The following EGFR variants were observed in gnomAD, a reference collection of about 807,000 sequenced individuals.
EGFR encodes the protein avian erythroblastic leukemia viral (v-erb-b) oncogene homolog.
In EGFR, 58 loss-of-function variants were observed where a neutral mutation model predicts 143.0. The observed-to-expected ratio is 0.41, with a 90% CI of 0.33 to 0.50. The LOEUF is 0.50. EGFR is among the 20% of genes least tolerant of loss of function. The probability of loss-of-function intolerance (pLI) is 0.39; values close to 1 mark genes in which losing one functional copy is unlikely to be tolerated. For missense variants in EGFR, 1,307 were observed against 1,579.0 expected, an observed-to-expected ratio of 0.83 and a Z score of 2.92; for synonymous variants, 613 against 594.4, an observed-to-expected ratio of 1.03 and a Z score of -0.45.
chr7:55,073,366 C>A (rs1299428922), intron 1 of EGFR, among the ~76,000 whole-genome samples: 1 of 152,132 alleles, frequency 6.6e-6, no homozygotes, highest in Non-Finnish European at 1.5e-5. Flanking sequence ...TTTTTTGTGA[C>A]TATAGAATGA....
Position 55,174,685 on chromosome 7 carries a change from A to G in EGFR, c.2185-37A>G, listed in dbSNP as rs182299579. ...GGGCAGCATGTGGCACCATCTCACA[A>G]TTGCCAGTTAACGTCTTCCTTCTCT... On this transcript the variant is annotated intron_variant, in intron 18 of 27. Transcript: ENST00000275493. 6.5e-6 allele frequency: 10 copies of G among 1,546,292 alleles called. No homozygotes were observed. The African/African-American group carries it at 8.1e-5, about 13-fold the overall frequency.
At chr7:55,082,116 C>A (rs574902597) in intron 1 of EGFR, among the ~76,000 whole-genome samples, 1 of 152,300 alleles carries the variant, frequency 6.6e-6, no homozygotes, top group East Asian at 1.9e-4. Context: ...TCTCACTGTA[C>A]AAAGTAGGTA....
chr7:55,027,989 A>ATATAT (rs1427050656), intron 1 of EGFR, among the ~76,000 whole-genome samples: 202 of 73,868 alleles, frequency 2.7e-3, no homozygotes, highest in East Asian at 0.016. Context: ...AAAAAAAAAA[A>ATATAT]AAATATATAT....
chr7:55,187,150 C>G (rs554957899), intron 20 of EGFR, among the ~76,000 whole-genome samples: 1 of 152,260 alleles, frequency 6.6e-6, no homozygotes, highest in East Asian at 1.9e-4. Context: ...GGGGTGGACC[C>G]CTCAGGGCCA....
intron 3 of EGFR, among the ~76,000 whole-genome samples, chr7:55,143,807 T>C (rs893890155): frequency 6.6e-6 from 1 of 152,166 alleles, no homozygotes; most frequent in Middle Eastern, 3.2e-3. Context: ...CGTGAATCTA[T>C]GTGTGTAGGC....
At chr7:55,181,582 G>A in intron 20 of EGFR, 104 bp downstream of exon 20, 1 of 1,339,068 alleles carries the variant, frequency 7.5e-7, no homozygotes, top group Non-Finnish European at 1.1e-6. Flanking sequence ...GGATATGTGT[G>A]TGCGTGCATG....
At chr7:55,187,830 C>T (rs1787209190) in intron 20 of EGFR, among the ~76,000 whole-genome samples, 1 of 152,282 alleles carries the variant, frequency 6.6e-6, no homozygotes, top group Non-Finnish European at 1.5e-5. Flanking sequence ...GCTGCCCTCC[C>T]CACCAGCACC....
At chr7:55,132,314 T>G (rs889964886) in intron 1 of EGFR, among the ~76,000 whole-genome samples, 1 of 152,218 alleles carries the variant, frequency 6.6e-6, no homozygotes, top group East Asian at 1.9e-4. Context: ...GTCAGAGATC[T>G]TTTATTTCCT....
intron 1 of EGFR, among the ~76,000 whole-genome samples, chr7:55,138,157 T>C (rs889609051): frequency 6.6e-6 from 1 of 152,196 alleles, no homozygotes; most frequent in African/African-American, 2.4e-5. Context: ...AACATAAGGA[T>C]GTTTGCGGTA....
intron 1 of EGFR, among the ~76,000 whole-genome samples, chr7:55,024,682 G>C (rs544086046): frequency 6.6e-6 from 1 of 152,258 alleles, no homozygotes; most frequent in Non-Finnish European, 1.5e-5. Context: ...TTACAACTTA[G>C]GCTTTTTTTT....
At chr7:55,150,368 G>C (rs1785089297) in intron 4 of EGFR, among the ~76,000 whole-genome samples, 1 of 152,106 alleles carries the variant, frequency 6.6e-6, no homozygotes, top group South Asian at 2.1e-4. Context: ...CAGCCTCCCC[G>C]GCCTTCATGT....
chr7:55,168,509 C>G lies in EGFR; in HGVS notation c.1881-2666C>G, dbSNP rs1273203248. 3.5e-6 allele frequency: 5 copies of G among 1,448,616 alleles called. No individual in the cohort carries two copies. The East Asian group carries it at 1.1e-4, about 33-fold the overall frequency. 89.7% of individuals were successfully genotyped at this position (1,448,616 alleles called of 1,614,324 possible). On this transcript the variant is annotated intron_variant, in intron 15 of 27. Coordinates refer to ENST00000275493, the MANE Select transcript of EGFR (RefSeq NM_005228.5). The stretch of plus-strand genomic sequence containing the variant: ...TAGTGGTCATTTTTCTAATGTCTTT[C>G]TATTTTTTCCCAGGTCCTAATAAAT...
intron 20 of EGFR, among the ~76,000 whole-genome samples, chr7:55,190,404 T>A (rs1359869598): frequency 6.6e-6 from 1 of 152,144 alleles, no homozygotes; most frequent in East Asian, 1.9e-4. Flanking sequence ...CTGCATAGCA[T>A]CTTTGCGAGA....
chr7:55,026,559 G>A lies in EGFR; in HGVS notation c.88+7194G>A, dbSNP rs188938507. 2.7e-3 allele frequency among the ~76,000 whole-genome samples: 412 copies of A among 152,194 alleles called. 2 individuals are homozygous for A. The highest frequency in any genetic ancestry group is 2.7e-3 in the South Asian group (13 of 4,808). On this transcript the variant is annotated intron_variant, in intron 1 of 27. Transcript: ENST00000275493. ...ATAACATCTCCAACCGGAAACATTC[G>A]AAACTCCTCCTCGACCAGAGACATG...
chr7:55,083,276 G>A (rs764412447), intron 1 of EGFR, among the ~76,000 whole-genome samples: 52 of 152,318 alleles, frequency 3.4e-4, no homozygotes, highest in African/African-American at 9.9e-4. Context: ...CACCAGCATC[G>A]CTGACAGCCT....
intron 13 of EGFR, among the ~76,000 whole-genome samples, chr7:55,161,999 G>T (rs190745449): frequency 2.6e-5 from 4 of 152,296 alleles, no homozygotes; most frequent in African/African-American, 9.6e-5. Context: ...TGTAGTGCCC[G>T]ATTCCTGGTG....
At chr7:55,164,243 T>A (rs1785854999) in intron 14 of EGFR, among the ~76,000 whole-genome samples, 1 of 152,250 alleles carries the variant, frequency 6.6e-6, no homozygotes, top group South Asian at 2.1e-4. Context: ...ACTTTGTATC[T>A]ATATGTTCAA....
At chr7:55,113,836 C>T (rs899866555) in intron 1 of EGFR, among the ~76,000 whole-genome samples, 1 of 152,208 alleles carries the variant, frequency 6.6e-6, no homozygotes, top group Non-Finnish European at 1.5e-5. Context: ...CCAAAACCCA[C>T]AGACCTCTAG....
intron 1 of EGFR, among the ~76,000 whole-genome samples, chr7:55,037,677 T>A (rs1161421489): frequency 6.6e-6 from 1 of 152,204 alleles, no homozygotes; most frequent in Admixed American, 6.5e-5. Context: ...ATTTCTAAGT[T>A]GACATCAAAA....
Sources: allele counts gnomAD v4.1 joint callset (sites outside exome capture counted in the v4.1 genomes callset), GRCh38; gene constraint gnomAD v4.1.1; transcripts MANE v1.5; gene names NCBI Gene and HGNC (gene_info 2026-07-23, HGNC 2026-07-21).